The following GPCPD1 variants were observed in gnomAD, a reference collection of about 807,000 sequenced individuals.
The protein encoded by GPCPD1 is glycerophosphocholine phosphodiesterase 1, also known as glycerophosphocholine phosphodiesterase GPCPD1.
Under a neutral mutation model 89.2 loss-of-function variants are expected in GPCPD1, and 29 were observed. The ratio of observed to expected loss-of-function variants is 0.33; its 90% confidence interval spans 0.24 to 0.44. The LOEUF is 0.44. Among genes scored for constraint, GPCPD1 ranks in the 20% least tolerant of loss-of-function variants. The pLI, the probability that GPCPD1 is intolerant of heterozygous loss-of-function variation, is 1.00. For missense variants in GPCPD1, 594 were observed against 808.9 expected (o/e 0.73, Z 3.22); for synonymous variants, 258 against 266.3 (o/e 0.97, Z 0.30).
intron 1 of GPCPD1, among the ~76,000 whole-genome samples, chr20:5,606,659 G>A (rs1417821190): frequency 1.3e-5 from 2 of 152,120 alleles, no homozygotes; most frequent in East Asian, 3.9e-4. Context: ...GCATCTAGGG[G>A]TAAAGGCCCT....
chr20:5,577,195 G>C (rs566474332), intron 8 of GPCPD1, among the ~76,000 whole-genome samples: 1 of 151,684 alleles, frequency 6.6e-6, no homozygotes, highest in South Asian at 2.1e-4. Flanking sequence ...CTCTCGAGTA[G>C]CTGGGATTAC....
intron 4 of GPCPD1, among the ~76,000 whole-genome samples, chr20:5,591,134 T>A (rs558048711): frequency 2.6e-5 from 4 of 152,360 alleles, no homozygotes; most frequent in African/African-American, 9.6e-5. Context: ...TACTCACTAC[T>A]TTTGTGTGCT....
chr20:5,570,318 T>G (rs548612123), intron 11 of GPCPD1, 79 bp from the exon 12 acceptor site: 1 of 695,130 alleles, frequency 1.4e-6, no homozygotes, highest in Non-Finnish European at 2.5e-6. Context: ...TAAGAAATTT[T>G]TGTTCACTAT....
chr20:5,547,621 A>G lies in GPCPD1; in HGVS notation c.*40T>C. 9.5e-7 allele frequency: 1 copy of G among 1,058,038 alleles called. No individual in the cohort carries two copies. Among genetic ancestry groups the G allele is most frequent in the South Asian group, 1.5e-5 (1 of 68,524 alleles). 65.5% of individuals were successfully genotyped at this position (1,058,038 alleles called of 1,614,324 possible). Reference sequence around the variant, plus strand: ...GTGATGAAAAATGAATACCCAGAACAGCGGTGCACGCCCCCAAAATGACCT... The same window carrying G: ...GTGATGAAAAATGAATACCCAGAACGGCGGTGCACGCCCCCAAAATGACCT... On this transcript the variant is annotated 3_prime_UTR_variant, in exon 20 of 20. Coordinates refer to ENST00000379019, the MANE Select transcript of GPCPD1 (RefSeq NM_019593.5).
intron 1 of GPCPD1, among the ~76,000 whole-genome samples, chr20:5,610,014 C>T (rs758158268): frequency 6.6e-6 from 1 of 152,170 alleles, no homozygotes; most frequent in Non-Finnish European, 1.5e-5. Context: ...CGGGTCCAAA[C>T]ATCCTGCTCA....
chr20:5,578,668 C>T (rs1246182023), intron 7 of GPCPD1, 57 bp from the exon 8 acceptor site: 2 of 1,044,508 alleles, frequency 1.9e-6, no homozygotes, highest in Non-Finnish European at 2.9e-6. Flanking sequence ...AAAACTCATA[C>T]AAATGTTGCC....
At chr20:5,552,970 G>A (rs866178600) in intron 19 of GPCPD1, among the ~76,000 whole-genome samples, 19 of 152,146 alleles carry the variant, frequency 1.2e-4, no homozygotes, top group African/African-American at 4.1e-4. Context: ...ACTGCACTTC[G>A]TCTTTTTTTA....
rs186888961 is a variant in GPCPD1, at chr20:5,563,271, G to A, written c.1330-1741C>T. On this transcript the variant is annotated intron_variant, in intron 15 of 19. Transcript: ENST00000379019. ...TGGGATTACAGGCGTAAGCCACCAC[G>A]CCTGGCCAAAATTTCTTTGTGATTG... is the stretch of plus-strand genomic sequence containing the variant. Among the ~76,000 whole-genome samples, 1,118 of 152,188 alleles carry A rather than the reference G, an allele frequency of 7.3e-3. 6 individuals carry two copies. Among genetic ancestry groups the A allele is most frequent in the Non-Finnish European group, 0.012 (791 of 68,002 alleles).
intron 4 of GPCPD1, among the ~76,000 whole-genome samples, chr20:5,591,018 GA>G (rs201212462): frequency 2.2e-4 from 33 of 148,828 alleles, no homozygotes; most frequent in African/African-American, 6.9e-4. Context: ...GGTGGATACA[GA>G]AAAAAAAAAG....
intron 4 of GPCPD1, among the ~76,000 whole-genome samples, chr20:5,588,806 T>C (rs6076855): frequency 2.0e-5 from 3 of 150,418 alleles, no homozygotes; most frequent in South Asian, 2.1e-4. Flanking sequence ...GCCTGGGCGA[T>C]AGAGCGAGAC....
At chr20:5,581,797 T>C (rs370776770) in intron 6 of GPCPD1, among the ~76,000 whole-genome samples, 13 of 143,162 alleles carry the variant, frequency 9.1e-5, no homozygotes, top group African/African-American at 3.4e-4. Context: ...GAATGCTTAA[T>C]AATTGTGGGA....
intron 6 of GPCPD1, among the ~76,000 whole-genome samples, chr20:5,581,014 T>C (rs1208005920): frequency 6.6e-6 from 1 of 151,908 alleles, no homozygotes; most frequent in Non-Finnish European, 1.5e-5. Context: ...GCTGGGATTA[T>C]AGGCGCCCAC....
chr20:5,549,840 A>C (rs2122520917), intron 19 of GPCPD1, among the ~76,000 whole-genome samples: 1 of 152,208 alleles, frequency 6.6e-6, no homozygotes, highest in Non-Finnish European at 1.5e-5. Flanking sequence ...ATGGAAAAAA[A>C]TGCATTCAGA....
chr20:5,584,444 C>A, intron 5 of GPCPD1, 122 bp from the exon 6 acceptor site: 1 of 528,156 alleles, frequency 1.9e-6, no homozygotes, highest in Non-Finnish European at 3.5e-6. Context: ...AAAAGCAGCC[C>A]AAGGTGAATA....
intron 11 of GPCPD1, among the ~76,000 whole-genome samples, chr20:5,573,443 T>C (rs1986832253): frequency 6.6e-6 from 1 of 152,184 alleles, no homozygotes; most frequent in South Asian, 2.1e-4. Context: ...AAGTTCCCAC[T>C]AAGCATTGGT....
intron 2 of GPCPD1, among the ~76,000 whole-genome samples, chr20:5,603,463 A>G (rs535365767): frequency 6.6e-6 from 1 of 152,254 alleles, no homozygotes; most frequent in African/African-American, 2.4e-5. Flanking sequence ...GTGGGCAAAG[A>G]TCTAGGCAGA....
At chr20:5,571,675 G>A (rs1175251965) in intron 11 of GPCPD1, among the ~76,000 whole-genome samples, 2 of 152,164 alleles carry the variant, frequency 1.3e-5, no homozygotes, top group Non-Finnish European at 2.9e-5. Context: ...TTGGGAGGCT[G>A]AGGCAGTCAG....
At chr20:5,561,411 AT>A in intron 16 of GPCPD1, 53 bp downstream of exon 16, 3 of 957,390 alleles carry the variant, frequency 3.1e-6, no homozygotes, top group Admixed American at 2.2e-5. Flanking sequence ...GAATGAAAGA[AT>A]TTTTTAGATA....
chr20:5,551,224 C>T (rs1387828760), intron 19 of GPCPD1, among the ~76,000 whole-genome samples: 2 of 152,170 alleles, frequency 1.3e-5, no homozygotes, highest in East Asian at 1.9e-4. Flanking sequence ...AGAGACCTAG[C>T]GGGTCACACA....
Sources: gnomAD v4.1 joint callset for allele counts (sites outside exome capture counted in the v4.1 genomes callset) on GRCh38, gnomAD v4.1.1 for gene constraint, MANE v1.5 for transcripts, NCBI Gene and HGNC (gene_info 2026-07-23, HGNC 2026-07-21) for gene names.